The following SHQ1 variants were observed in gnomAD, a reference collection of about 807,000 sequenced individuals.
The protein encoded by SHQ1 is SHQ1, H/ACA ribonucleoprotein assembly factor, also known as protein SHQ1 homolog.
In SHQ1, 49 loss-of-function variants were observed where a neutral mutation model predicts 53.8. That is an observed-to-expected ratio of 0.91 (90% CI 0.72 to 1.16). SHQ1 has a LOEUF of 1.16. Ranked by LOEUF, SHQ1 falls within the 50% of genes most tolerant of loss-of-function variation. SHQ1 has a pLI of 0.00. For synonymous variants in SHQ1, 243 were observed against 251.0 expected, an observed-to-expected ratio of 0.97 and a Z score of 0.30; for missense variants, 738 against 683.1, an observed-to-expected ratio of 1.08 and a Z score of -0.90.
At chr3:72,744,924 G>GA (rs1553687484), downstream of SHQ1, among the ~76,000 whole-genome samples, 13 of 37,056 alleles carry the variant, frequency 3.5e-4, no homozygotes, top group Admixed American at 3.0e-3. Context: ...TTGATACATT[G>GA]GGGGGGGGGG....
At position 72,763,210 on chromosome 3, in the gene SHQ1, G is replaced by A. The variant is rs994492902; in HGVS notation, c.1182-12374C>T. On this transcript the variant is annotated intron_variant, in intron 10 of 10. Transcript: ENST00000325599. ...ACAGAAGAAATGGGGACTGCAAGTCGCAGGCTGAAGCAGAGCTCTCCAATC... is the reference window on the plus strand; with the variant it reads ...ACAGAAGAAATGGGGACTGCAAGTCACAGGCTGAAGCAGAGCTCTCCAATC... 3.3e-5 allele frequency among the ~76,000 whole-genome samples: 5 copies of A among 152,154 alleles called. No homozygotes were observed. The South Asian group carries it at 6.2e-4, about 19-fold the overall frequency.
chr3:72,834,997 A>C (rs1420103630), intron 4 of SHQ1, among the ~76,000 whole-genome samples: 1 of 151,660 alleles, frequency 6.6e-6, no homozygotes, highest in Non-Finnish European at 1.5e-5. Context: ...CAAGGGCTAC[A>C]CTCCTTTCTA....
chr3:72,727,920 G>A, the SHQ1 span, among the ~76,000 whole-genome samples: 1 of 152,188 alleles, frequency 6.6e-6, no homozygotes, highest in Non-Finnish European at 1.5e-5. Context: ...CCTTCAGGAG[G>A]GCATTACTCT....
intron 5 of SHQ1, among the ~76,000 whole-genome samples, chr3:72,824,808 T>G (rs1027753793): frequency 3.4e-5 from 5 of 148,964 alleles, no homozygotes; most frequent in African/African-American, 1.0e-4. Context: ...TTTTTTAACT[T>G]TTTTTAAAAG....
intron 10 of SHQ1, 119 bp downstream of exon 10, chr3:72,792,797 A>C (rs1006236730): frequency 2.0e-5 from 14 of 712,188 alleles, no homozygotes; most frequent in East Asian, 1.3e-4. Context: ...AAAAAAAAAA[A>C]AAAAAAAAAA....
At chr3:72,772,505 A>G in intron 10 of SHQ1, 1 of 580,754 alleles carries the variant, frequency 1.7e-6, no homozygotes, top group South Asian at 1.6e-5. Context: ...CTGGACCCTC[A>G]GACAGTGATA....
At chr3:72,832,278 T>C in intron 5 of SHQ1, 91 bp downstream of exon 5, 1 of 882,376 alleles carries the variant, frequency 1.1e-6, no homozygotes, top group East Asian at 2.5e-5. Flanking sequence ...GAATCCGAAA[T>C]GCACATCCCT....
At chr3:72,756,303 C>G (rs1705496647) in intron 10 of SHQ1, among the ~76,000 whole-genome samples, 1 of 152,196 alleles carries the variant, frequency 6.6e-6, no homozygotes, top group Non-Finnish European at 1.5e-5. Context: ...GACTCTCACT[C>G]TGCCTTCCAG....
At chr3:72,761,332 T>A (rs1369390552) in intron 10 of SHQ1, among the ~76,000 whole-genome samples, 1 of 152,090 alleles carries the variant, frequency 6.6e-6, no homozygotes, top group African/African-American at 2.4e-5. Flanking sequence ...CCACCACGCC[T>A]GGCTAATTTA....
chr3:72,751,486 G>A (rs1368569966), intron 10 of SHQ1, among the ~76,000 whole-genome samples: 1 of 97,084 alleles, frequency 1.0e-5, no homozygotes, highest in Non-Finnish European at 2.1e-5. Context: ...ATGTGTGTGT[G>A]TGTGTGTGTG....
chr3:72,790,690 A>T (rs1200739201), intron 10 of SHQ1, among the ~76,000 whole-genome samples: 2 of 152,166 alleles, frequency 1.3e-5, no homozygotes, highest in Non-Finnish European at 2.9e-5. Context: ...AAAACTAGAA[A>T]TTTTTATAAA....
intron 5 of SHQ1, among the ~76,000 whole-genome samples, chr3:72,830,535 T>A (rs1426052056): frequency 6.6e-6 from 1 of 152,122 alleles, no homozygotes; most frequent in Non-Finnish European, 1.5e-5. Context: ...AAAGAATTTT[T>A]AAATAAAAAT....
At chr3:72,848,016 C>G (rs974569856) in intron 1 of SHQ1, among the ~76,000 whole-genome samples, 182 bp downstream of exon 1, 2 of 152,182 alleles carry the variant, frequency 1.3e-5, no homozygotes, top group Non-Finnish European at 2.9e-5. Context: ...AGGAAAAGGG[C>G]TTCCGCAGCA....
intron 6 of SHQ1, among the ~76,000 whole-genome samples, chr3:72,823,409 T>A (rs2106895308): frequency 6.6e-6 from 1 of 152,184 alleles, no homozygotes; most frequent in South Asian, 2.1e-4. Context: ...AATAAAAAAC[T>A]GTGATGCATT....
intron 4 of SHQ1, among the ~76,000 whole-genome samples, chr3:72,833,018 A>G (rs1707868618): frequency 6.6e-6 from 1 of 152,208 alleles, no homozygotes. Flanking sequence ...TACTTGCATT[A>G]TACCAGTTAA....
the SHQ1 span, among the ~76,000 whole-genome samples, chr3:72,728,364 T>C: frequency 1.3e-5 from 2 of 152,196 alleles, no homozygotes; most frequent in Non-Finnish European, 2.9e-5. Context: ...GTAGGTGACA[T>C]GTGGGCTCGA....
At chr3:72,735,134 A>G in the SHQ1 span, among the ~76,000 whole-genome samples, 1 of 151,826 alleles carries the variant, frequency 6.6e-6, no homozygotes, top group East Asian at 1.9e-4. Context: ...CCAGCAAGTG[A>G]TAAGCTGCTC....
intron 5 of SHQ1, among the ~76,000 whole-genome samples, chr3:72,830,174 A>G (rs1707783629): frequency 1.3e-5 from 2 of 152,096 alleles, no homozygotes; most frequent in South Asian, 4.1e-4. Context: ...AGACTTTTAA[A>G]TAACAATCTA....
intron 9 of SHQ1, among the ~76,000 whole-genome samples, chr3:72,806,429 T>C (rs1559681139): frequency 6.6e-6 from 1 of 152,094 alleles, no homozygotes; most frequent in Non-Finnish European, 1.5e-5. Context: ...CATTAACTGG[T>C]ATGGGGAATT....
Sources: gnomAD v4.1 joint callset for allele counts (sites outside exome capture counted in the v4.1 genomes callset) on GRCh38, gnomAD v4.1.1 for gene constraint, MANE v1.5 for transcripts, NCBI Gene and HGNC (gene_info 2026-07-23, HGNC 2026-07-21) for gene names.